Variants in GBF1 observed in about 807,000 individuals in gnomAD.
The protein encoded by GBF1 is Golgi-specific brefeldin A-resistance guanine nucleotide exchange factor 1.
In GBF1, 114 loss-of-function variants were observed where a neutral mutation model predicts 210.5. That is an observed-to-expected ratio of 0.54 (90% CI 0.47 to 0.63). The LOEUF (loss-of-function observed/expected upper bound fraction) is 0.63, where lower values mean the gene tolerates loss of function less well. GBF1 is among the 30% of genes least tolerant of loss of function. The probability of loss-of-function intolerance (pLI) is 0.00; values close to 1 mark genes in which losing one functional copy is unlikely to be tolerated. For synonymous variants in GBF1, 850 were observed against 889.2 expected (o/e 0.96, Z 0.78); for missense variants, 1,851 against 2,357.7 (o/e 0.79, Z 4.45).
intron 13 of GBF1, 86 bp from the exon 14 acceptor site, chr10:102,361,632 T>C (rs1291594040): frequency 3.4e-6 from 3 of 871,780 alleles, no homozygotes; most frequent in African/African-American, 1.7e-5. Context: ...TTCTGCATCC[T>C]GTTTAATGTT....
At chr10:102,378,664 C>T (rs1373486802) in intron 33 of GBF1, among the ~76,000 whole-genome samples, 3 of 152,042 alleles carry the variant, frequency 2.0e-5, no homozygotes, top group South Asian at 4.2e-4. Flanking sequence ...AAAATTAGGC[C>T]GGGCATGGTA....
At chr10:102,232,233 G>A in the GBF1 span, 7 of 630,954 alleles carry the variant, frequency 1.1e-5, no homozygotes, top group African/African-American at 1.3e-4. Context: ...GGGCTCCTTA[G>A]GATAGAATCG....
Position 102,344,074 on chromosome 10 carries a change from G to A in GBF1, c.187G>A (p.Val63Ile), listed in dbSNP as rs556217623. 3.1e-6 allele frequency: 5 copies of A among 1,612,536 alleles called. No homozygotes were observed. In the South Asian group the frequency reaches 4.4e-5, roughly 14 times the overall value. ...ITELSEIEPN[V>I]FLRPFLEVIR... is the part of the protein sequence containing the mutation. The stretch of plus-strand genomic sequence containing the variant: ...AGAACTCTCAGAAATTGAGCCCAAT[G>A]TATTCCTTCGACCTTTTCTGGAAGT... Residue 63 changes from valine to isoleucine, a missense_variant, in exon 4 of 40, where the codon GTA (valine) becomes ATA (isoleucine). Around this residue, in one of 3 missense-constraint regions of GBF1, gnomAD observed 804 missense variants for 958.6 expected, o/e 0.84. Coordinates refer to ENST00000369983, the MANE Select transcript of GBF1 (RefSeq NM_001377137.1).
At chr10:102,377,599 T>C (rs1040776178) in intron 33 of GBF1, among the ~76,000 whole-genome samples, 2 of 152,144 alleles carry the variant, frequency 1.3e-5, no homozygotes, top group African/African-American at 2.4e-5. Context: ...GTGATCCGCC[T>C]GCCTCGGCCT....
intron 6 of GBF1, 28 bp downstream of exon 6, chr10:102,351,979 C>A: frequency 8.4e-7 from 1 of 1,196,654 alleles, no homozygotes; most frequent in Non-Finnish European, 1.3e-6. Context: ...AGCCCCTTCA[C>A]CATTCCTGGG....
At chr10:102,292,979 T>C (rs2076566626) in intron 3 of GBF1, among the ~76,000 whole-genome samples, 1 of 152,266 alleles carries the variant, frequency 6.6e-6, no homozygotes, top group African/African-American at 2.4e-5. Context: ...TTCAAATTAC[T>C]GTTTCCAAAA....
At chr10:102,296,513 G>A (rs1168987454) in intron 3 of GBF1, among the ~76,000 whole-genome samples, 1 of 152,134 alleles carries the variant, frequency 6.6e-6, no homozygotes, top group Non-Finnish European at 1.5e-5. Context: ...GGGAGGCCAA[G>A]GCGGGTAGAT....
rs755015078 is a variant in GBF1, at chr10:102,366,395, T to C, written c.2322T>C (p.Phe774=). 3 of 1,614,112 alleles carry C rather than the reference T, an allele frequency of 1.9e-6. No individual in the cohort carries two copies. The highest frequency in any genetic ancestry group is 2.5e-6 in the Non-Finnish European group (3 of 1,179,964). ...LLESFVSTFS[F]QGLRLDEALR... ...TCTTTCCCTATAGCACCTTCAGTTTTCAGGGTCTGCGACTGGACGAAGCCC... is the reference window on the plus strand; with the variant it reads ...TCTTTCCCTATAGCACCTTCAGTTTCCAGGGTCTGCGACTGGACGAAGCCC... The change falls in exon 19 of 40, where the codon TTT becomes TTC. Residue 774 remains phenylalanine (F), a synonymous_variant. Transcript: ENST00000369983. The surrounding 1 kb of genome is among the most constrained non-coding windows in gnomAD (Gnocchi z 4.0).
chr10:102,353,534 G>C (rs989506346), intron 7 of GBF1, 66 bp from the exon 8 acceptor site: 2 of 1,105,830 alleles, frequency 1.8e-6, no homozygotes, highest in Middle Eastern at 2.0e-4. Context: ...TTTGGTTTGT[G>C]GCTGGCATGG....
intron 38 of GBF1, 133 bp from the exon 39 acceptor site, chr10:102,380,994 C>CAAA: frequency 3.1e-6 from 2 of 643,988 alleles, no homozygotes; most frequent in South Asian, 2.3e-5. Context: ...GATTCCATCT[C>CAAA]AAAAAAAAAA....
intron 3 of GBF1, among the ~76,000 whole-genome samples, chr10:102,309,466 T>G (rs1013263407): frequency 6.6e-6 from 1 of 152,362 alleles, no homozygotes; most frequent in African/African-American, 2.4e-5. Context: ...GTAATACTGA[T>G]TTTTACCCCA....
chr10:102,296,105 A>G (rs2076884119), intron 3 of GBF1, among the ~76,000 whole-genome samples: 1 of 152,198 alleles, frequency 6.6e-6, no homozygotes, highest in African/African-American at 2.4e-5. Flanking sequence ...GCTGGCTTTC[A>G]GTTTGTGATT....
Position 102,365,562 on chromosome 10 carries a change from G to A in GBF1, c.2272G>A (p.Asp758Asn). ...GAAGATGATTGGAGAGTTTGTGAGTGACCGCAAAAACATTGACCTGTTGGA... is the reference window on the plus strand; with the variant it reads ...GAAGATGATTGGAGAGTTTGTGAGTAACCGCAAAAACATTGACCTGTTGGA... ...DKKMIGEFVS[D>N]RKNIDLLESF... The change falls in exon 18 of 40, where the codon GAC (aspartate) becomes AAC (asparagine). Residue 758 changes from aspartate to asparagine, a missense_variant. Physicochemically the swap from Asp to Asn is conservative, Grantham distance 23. Coordinates refer to ENST00000369983, the MANE Select transcript of GBF1 (RefSeq NM_001377137.1). 1 of 1,614,152 alleles carries A rather than the reference G, an allele frequency of 6.2e-7. No homozygotes were observed. The highest frequency in any genetic ancestry group is 8.5e-7 in the Non-Finnish European group (1 of 1,180,022).
chr10:102,286,194 G>GTTTTTTTTGTTT (rs1565060425), intron 3 of GBF1, among the ~76,000 whole-genome samples: 2 of 126,366 alleles, frequency 1.6e-5, no homozygotes, highest in Non-Finnish European at 1.6e-5. Flanking sequence ...AAGCATAAGG[G>GTTTTTTTTGTTT]TTTTTTTTTT....
intron 3 of GBF1, among the ~76,000 whole-genome samples, chr10:102,300,999 T>A (rs11594914): frequency 0.17 from 25,563 of 148,812 alleles, 2,862 homozygotes; most frequent in South Asian, 0.31. Context: ...TTTTAAGTAT[T>A]TATTGATCAT....
At chr10:102,280,014 C>G (rs546761482) in intron 3 of GBF1, among the ~76,000 whole-genome samples, 25 of 151,874 alleles carry the variant, frequency 1.6e-4, no homozygotes, top group South Asian at 8.3e-4. Context: ...GTCCCAGCTA[C>G]TTGAGAGGCT....
intron 3 of GBF1, among the ~76,000 whole-genome samples, chr10:102,285,300 A>G (rs2075842911): frequency 6.6e-6 from 1 of 152,220 alleles, no homozygotes; most frequent in Non-Finnish European, 1.5e-5. Flanking sequence ...CTTGCTGACT[A>G]TACAGGTAGC....
intron 20 of GBF1, 65 bp downstream of exon 20, chr10:102,367,275 A>G (rs1199768090): frequency 1.3e-6 from 2 of 1,549,808 alleles, no homozygotes; most frequent in Non-Finnish European, 1.8e-6. Context: ...CAGGAAGGAC[A>G]TAGGATTTCC....
In GBF1 at chr10:102,366,539, T is replaced by C. The variant is rs757645892; in HGVS notation, c.2433+33T>C. 1.9e-6 allele frequency: 3 copies of C among 1,598,264 alleles called. No homozygotes were observed. Among genetic ancestry groups the C allele is most frequent in the South Asian group, 2.2e-5 (2 of 90,760 alleles). On this transcript the variant is annotated intron_variant, in intron 19 of 39. Transcript: ENST00000369983. This position sits in a 1 kb window ranked among gnomAD's most constrained non-coding sequence, Gnocchi z 4.0. ...TGAGTGTCAGGGGCTGAGCCCAGGA[T>C]CCAAGGTCAGTTTGACTGAGGGCTG... is the stretch of plus-strand genomic sequence containing the variant.
Sources: allele counts gnomAD v4.1 joint callset (sites outside exome capture counted in the v4.1 genomes callset), GRCh38; gene constraint gnomAD v4.1.1; regional missense constraint gnomAD v4.1.1; non-coding constraint Gnocchi (gnomAD v3.1); transcripts MANE v1.5; gene names NCBI Gene and HGNC (gene_info 2026-07-23, HGNC 2026-07-21).